The following LCN12 variants were observed in gnomAD, a reference collection of about 807,000 sequenced individuals.
LCN12 encodes the protein lipocalin 12.
A neutral mutation model predicts 23.7 loss-of-function variants in LCN12; 15 were observed. The ratio of observed to expected loss-of-function variants is 0.63; its 90% CI spans 0.42 to 0.97. LCN12 has a LOEUF of 0.97. Among genes scored for constraint, LCN12 ranks in the 50% least tolerant of loss-of-function variants. The pLI is 0.00. For synonymous variants in LCN12, 116 were observed against 111.5 expected (o/e 1.04, Z -0.25); for missense variants, 219 against 249.6 (o/e 0.88, Z 0.83).
At chr9:136,953,535 A>G in intron 2 of LCN12, 165 bp from the exon 3 acceptor site, 1 of 589,386 alleles carries the variant, frequency 1.7e-6, no homozygotes, top group Non-Finnish European at 3.0e-6. Context: ...CAGGAGTTTG[A>G]GACCAGCCTG....
chr9:136,953,039 GTCCCTGCCGT>G lies in LCN12; in HGVS notation c.251+15_251+24del. The G allele has an allele frequency of 3.1e-6, 5 of 1,612,380 alleles. No homozygotes were observed. In the South Asian group the frequency reaches 5.5e-5, roughly 18 times the overall value. Reference sequence around the variant, plus strand: ...GAATGCGATGACTCGGTGAGTGGCTGTCCCTGCCGTTCCAAGCGGGTGAGGAGGATCCCGG... The same window carrying G: ...GAATGCGATGACTCGGTGAGTGGCTGTCCAAGCGGGTGAGGAGGATCCCGG... On this transcript the variant is annotated intron_variant, in intron 2 of 5. Transcript: ENST00000371633.
upstream of LCN12, among the ~76,000 whole-genome samples, chr9:136,949,225 C>A (rs1345044334): frequency 6.6e-6 from 1 of 152,210 alleles, no homozygotes; most frequent in Non-Finnish European, 1.5e-5. Flanking sequence ...AGTGAGACCT[C>A]ATCTCTATTT....
intron 1 of LCN12, 162 bp downstream of exon 1, chr9:136,952,603 C>T (rs1427177458): frequency 7.9e-6 from 5 of 636,888 alleles, no homozygotes; most frequent in South Asian, 3.9e-5. Flanking sequence ...GAGGGCCCAG[C>T]GCAGACCTTC....
chr9:136,950,819 C>G (rs1242966672), upstream of LCN12, among the ~76,000 whole-genome samples: 1 of 152,204 alleles, frequency 6.6e-6, no homozygotes, highest in Non-Finnish European at 1.5e-5. Context: ...AGGCCTGGGA[C>G]AGAGCCCAGC....
upstream of LCN12, among the ~76,000 whole-genome samples, chr9:136,949,332 C>T (rs1313553398): frequency 6.6e-6 from 1 of 152,230 alleles, no homozygotes; most frequent in Non-Finnish European, 1.5e-5. Flanking sequence ...GTCCTGGGTG[C>T]CCCCGCCTTG....
upstream of LCN12, among the ~76,000 whole-genome samples, chr9:136,949,891 C>T (rs1009767595): frequency 6.6e-6 from 1 of 152,174 alleles, no homozygotes; most frequent in African/African-American, 2.4e-5. Flanking sequence ...GGCGCGGCTG[C>T]TCCTCCCCGT....
intron 5 of LCN12, 108 bp downstream of exon 5, chr9:136,954,363 GC>G: frequency 7.9e-7 from 1 of 1,270,106 alleles, no homozygotes; most frequent in Non-Finnish European, 1.1e-6. Context: ...AGGGAGCTCA[GC>G]CCCAGCCTGC....
intron 5 of LCN12, 34 bp downstream of exon 5, chr9:136,954,289 T>C (rs1237106643): frequency 6.4e-7 from 1 of 1,551,080 alleles, no homozygotes; most frequent in Non-Finnish European, 8.7e-7. Context: ...TGCTGGGCAG[T>C]AGGCACGGGG....
At chr9:136,955,187 T>A (rs1453433710) in intron 5 of LCN12, 184 bp from the exon 6 acceptor site, 1 of 1,420,386 alleles carries the variant, frequency 7.0e-7, no homozygotes, top group East Asian at 2.6e-5. Context: ...GGGCCACATC[T>A]TCTGCCCCTT....
At position 136,953,016 on chromosome 9, in the gene LCN12, A is replaced by G; in HGVS notation, c.239A>G (p.Asn80Ser). Reference protein sequence around the residue: ...LSDDGRFEVWNAMTRGQHCDT... With the variant: ...LSDDGRFEVWSAMTRGQHCDT... Reference sequence around the variant, plus strand: ...GATGATGGCCGCTTTGAGGTGTGGAATGCGATGACTCGGTGAGTGGCTGTC... The same window carrying G: ...GATGATGGCCGCTTTGAGGTGTGGAGTGCGATGACTCGGTGAGTGGCTGTC... Residue 80 changes from asparagine to serine, a missense_variant, in exon 2 of 6, where the codon AAT becomes AGT. By Grantham distance (46) the Asn-to-Ser change is conservative. Transcript: ENST00000371633. 1 of 1,613,950 alleles carries G rather than the reference A, an allele frequency of 6.2e-7. No homozygotes were observed. The highest frequency in any genetic ancestry group is 8.5e-7 in the Non-Finnish European group (1 of 1,179,948).
upstream of LCN12, among the ~76,000 whole-genome samples, chr9:136,950,151 C>A (rs953879061): frequency 1.3e-5 from 2 of 152,174 alleles, no homozygotes; most frequent in African/African-American, 4.8e-5. Flanking sequence ...CACGTGCCCA[C>A]CCTCCACCAA....
At chr9:136,953,627 T>C (rs1004840666) in intron 2 of LCN12, 73 bp from the exon 3 acceptor site, 2 of 1,167,018 alleles carry the variant, frequency 1.7e-6, no homozygotes, top group Non-Finnish European at 2.4e-6. Flanking sequence ...GGCTGAAATC[T>C]CCTGAGGGGC....
At chr9:136,951,792 G>A (rs73668378), upstream of LCN12, among the ~76,000 whole-genome samples, 44 of 152,356 alleles carry the variant, frequency 2.9e-4, no homozygotes, top group African/African-American at 1.0e-3. Context: ...CCAGGGCCAC[G>A]GCCCACGCTG....
intron 1 of LCN12, 36 bp from the exon 2 acceptor site, chr9:136,952,856 G>GGCCCCCC: frequency 2.6e-6 from 4 of 1,517,108 alleles, no homozygotes; most frequent in Non-Finnish European, 2.7e-6. Context: ...TGCCACCCCT[G>GGCCCCCC]CCCACCGCCG....
Position 136,955,381 on chromosome 9 carries a change from C to T in LCN12, c.561C>T (p.Pro187=), listed in dbSNP as rs762182910. Residue 187 remains proline, a synonymous_variant, in exon 6 of 6, where the codon CCC becomes CCT. Transcript: ENST00000371633. The stretch of plus-strand genomic sequence containing the variant: ...CATCTCCCCCACCAGGCTGGTCACC[C>T]CAGGCCAGCGTCTGTTGAAGGATGA... ...IVFPDVTGWS[P]QASVC The T allele has an allele frequency of 1.2e-6, 2 of 1,613,414 alleles. No homozygotes were observed. Among genetic ancestry groups the T allele is most frequent in the Non-Finnish European group, 1.7e-6 (2 of 1,179,792 alleles).
chr9:136,953,600 G>A, intron 2 of LCN12, 100 bp from the exon 3 acceptor site: 1 of 817,992 alleles, frequency 1.2e-6, no homozygotes, highest in Middle Eastern at 2.7e-4. Context: ...TCCCGCCGTG[G>A]GTCCCTCTGA....
chr9:136,953,074 G>T, intron 2 of LCN12, 46 bp downstream of exon 2: 1 of 1,606,876 alleles, frequency 6.2e-7, no homozygotes. Context: ...GAGGATCCCG[G>T]GCCTGGGTCC....
chr9:136,952,445 C>T lies in LCN12; in HGVS notation c.114+4C>T, dbSNP rs1024365438. 1.9e-6 allele frequency: 3 copies of T among 1,597,840 alleles called. No individual in the cohort carries two copies. The highest frequency in any genetic ancestry group is 1.3e-5 in the African/African-American group (1 of 74,554). The stretch of plus-strand genomic sequence containing the variant: ...GCAGAGCTTCCAAGGAAACCAGGTA[C>T]AGGGGTTTTGACGGAAGGAGAAGCA... On this transcript the variant is annotated splice_donor_region_variant and intron_variant, in intron 1 of 5. Transcript: ENST00000371633.
chr9:136,949,914 C>A (rs1851108070), upstream of LCN12, among the ~76,000 whole-genome samples: 1 of 152,178 alleles, frequency 6.6e-6, no homozygotes, highest in Admixed American at 6.5e-5. Context: ...CACGCAAGCT[C>A]CCGGGCACCG....
Sources: gnomAD v4.1 joint callset for allele counts (sites outside exome capture counted in the v4.1 genomes callset) on GRCh38, gnomAD v4.1.1 for gene constraint, MANE v1.5 for transcripts, NCBI Gene and HGNC (gene_info 2026-07-23, HGNC 2026-07-21) for gene names.